Variants in FAM171B observed in about 807,000 individuals in gnomAD.
FAM171B encodes the protein protein FAM171B.
FAM171B carries 19 observed loss-of-function variants against 75.6 expected under a neutral mutation model. That is an observed-to-expected ratio of 0.25 (90% CI 0.18 to 0.37). The LOEUF (loss-of-function observed/expected upper bound fraction) is 0.37, where lower values mean the gene tolerates loss of function less well. Among genes scored for constraint, FAM171B ranks in the 10% least tolerant of loss-of-function variants. The probability of loss-of-function intolerance (pLI) is 1.00; values close to 1 mark genes in which losing one functional copy is unlikely to be tolerated. For missense variants in FAM171B, 848 were observed against 982.4 expected, an observed-to-expected ratio of 0.86 and a Z score of 1.83; for synonymous variants, 367 against 361.7, an observed-to-expected ratio of 1.01 and a Z score of -0.17.
chr2:186,743,631 A>G, intron 3 of FAM171B, 56 bp downstream of exon 3: 1 of 1,144,100 alleles, frequency 8.7e-7, no homozygotes, highest in Non-Finnish European at 1.3e-6. Context: ...GTATAACTGT[A>G]CTTCTTCACT....
chr2:186,710,903 C>A (rs1247735369), intron 1 of FAM171B, among the ~76,000 whole-genome samples: 2 of 151,676 alleles, frequency 1.3e-5, no homozygotes, highest in Admixed American at 6.6e-5. Flanking sequence ...CACACACATA[C>A]ACACAATATT....
chr2:186,754,892 A>C (rs982976914), intron 6 of FAM171B, among the ~76,000 whole-genome samples: 26 of 152,162 alleles, frequency 1.7e-4, no homozygotes, highest in African/African-American at 6.0e-4. Flanking sequence ...CAAGGCAGCC[A>C]AAAGATTGGA....
intron 1 of FAM171B, among the ~76,000 whole-genome samples, chr2:186,739,310 AT>A (rs1690252483): frequency 6.6e-6 from 1 of 152,166 alleles, no homozygotes; most frequent in Non-Finnish European, 1.5e-5. Flanking sequence ...TTAGAAAAAA[AT>A]ATTTTTCTTT....
At chr2:186,754,112 C>A (rs955589290) in intron 6 of FAM171B, 63 bp downstream of exon 6, 3 of 1,219,366 alleles carry the variant, frequency 2.5e-6, no homozygotes, top group South Asian at 2.9e-5. Flanking sequence ...GAACGGATAG[C>A]AGCAGACCTC....
At chr2:186,724,316 C>G (rs1196721836) in intron 1 of FAM171B, among the ~76,000 whole-genome samples, 1 of 152,128 alleles carries the variant, frequency 6.6e-6, no homozygotes, top group East Asian at 1.9e-4. Context: ...TCATGATATA[C>G]ACACGATTTA....
chr2:186,733,575 A>G (rs752578528), intron 1 of FAM171B, among the ~76,000 whole-genome samples: 4 of 152,176 alleles, frequency 2.6e-5, no homozygotes, highest in Non-Finnish European at 5.9e-5. Context: ...TTCAGCTCAC[A>G]CTACTGGCCT....
At chr2:186,706,653 T>C (rs1270187397) in intron 1 of FAM171B, among the ~76,000 whole-genome samples, 2 of 152,154 alleles carry the variant, frequency 1.3e-5, no homozygotes, top group African/African-American at 4.8e-5. Flanking sequence ...GAAAAAGATA[T>C]AGACACCCCT....
At chr2:186,743,633 T>G (rs1690325523) in intron 3 of FAM171B, 58 bp downstream of exon 3, 1 of 1,130,976 alleles carries the variant, frequency 8.8e-7, no homozygotes, top group Admixed American at 1.8e-5. Context: ...ATAACTGTAC[T>G]TCTTCACTAA....
intron 1 of FAM171B, among the ~76,000 whole-genome samples, chr2:186,733,294 A>G (rs548519436): frequency 2.0e-5 from 3 of 152,346 alleles, no homozygotes; most frequent in Admixed American, 6.5e-5. Flanking sequence ...CTTCTTGCCT[A>G]CTTCCCAGTT....
Position 186,761,575 on chromosome 2 carries a change from T to A in FAM171B, c.1233T>A (p.His411Gln). Reference protein sequence around the residue: ...DQTTSTTHINHISTVKVALKA... With the variant: ...DQTTSTTHINQISTVKVALKA... Reference sequence around the variant, plus strand: ...CAACTTCAACAACACACATAAATCATATCAGTACAGTTAAAGTTGCATTAA... The same window carrying A: ...CAACTTCAACAACACACATAAATCAAATCAGTACAGTTAAAGTTGCATTAA... The change falls in exon 8 of 8, where the codon CAT becomes CAA. Residue 411 changes from histidine to glutamine, a missense_variant. His to Gln is a conservative substitution (Grantham distance 24, BLOSUM62 0). Coordinates refer to ENST00000304698, the MANE Select transcript of FAM171B (RefSeq NM_177454.4). The A allele has an allele frequency of 6.2e-7, 1 of 1,612,858 alleles. No homozygotes were observed. The highest frequency in any genetic ancestry group is 8.5e-7 in the Non-Finnish European group (1 of 1,179,480).
intron 1 of FAM171B, among the ~76,000 whole-genome samples, chr2:186,725,322 C>T (rs915743208): frequency 1.4e-5 from 2 of 146,728 alleles, no homozygotes; most frequent in South Asian, 2.2e-4. Context: ...CCAACCTGGG[C>T]GACAGAGCGA....
intron 3 of FAM171B, among the ~76,000 whole-genome samples, chr2:186,746,422 G>A (rs908622388): frequency 2.0e-5 from 3 of 152,154 alleles, no homozygotes; most frequent in African/African-American, 7.2e-5. Context: ...TCTGGCTTAA[G>A]CCCAAAATAA....
chr2:186,719,733 G>A (rs1689925221), intron 1 of FAM171B, among the ~76,000 whole-genome samples: 1 of 152,152 alleles, frequency 6.6e-6, no homozygotes, highest in Non-Finnish European at 1.5e-5. Flanking sequence ...ATTATAAATT[G>A]GCATCACATT....
At chr2:186,714,305 T>C (rs1292642200) in intron 1 of FAM171B, among the ~76,000 whole-genome samples, 1 of 152,178 alleles carries the variant, frequency 6.6e-6, no homozygotes, top group Non-Finnish European at 1.5e-5. Context: ...AGTTCTCAAA[T>C]TGGTAGGGCA....
intron 1 of FAM171B, among the ~76,000 whole-genome samples, chr2:186,715,776 G>A (rs898361973): frequency 6.6e-6 from 1 of 152,162 alleles, no homozygotes; most frequent in South Asian, 2.1e-4. Context: ...CTAGATAGAG[G>A]TGTAGCTAGT....
intron 1 of FAM171B, among the ~76,000 whole-genome samples, chr2:186,721,677 T>C (rs1181038443): frequency 2.0e-5 from 3 of 152,196 alleles, no homozygotes; most frequent in Non-Finnish European, 4.4e-5. Flanking sequence ...CACTCTCTCC[T>C]TCTGACTTGT....
chr2:186,732,798 C>T (rs894459752), intron 1 of FAM171B, among the ~76,000 whole-genome samples: 1 of 152,156 alleles, frequency 6.6e-6, no homozygotes, highest in Non-Finnish European at 1.5e-5. Context: ...TTTCCCTTAC[C>T]AGTTAAGTGT....
At chr2:186,737,998 G>T (rs1042171976) in intron 1 of FAM171B, among the ~76,000 whole-genome samples, 7 of 152,194 alleles carry the variant, frequency 4.6e-5, no homozygotes, top group African/African-American at 1.4e-4. Flanking sequence ...GGCTGGACTG[G>T]GCATGCCACA....
intron 1 of FAM171B, among the ~76,000 whole-genome samples, chr2:186,703,883 G>A (rs959314480): frequency 4.6e-5 from 7 of 151,954 alleles, no homozygotes; most frequent in Non-Finnish European, 1.0e-4. Flanking sequence ...ACATGCTTTT[G>A]TGTAAGGGGA....
Sources: gnomAD v4.1 joint callset for allele counts (sites outside exome capture counted in the v4.1 genomes callset) on GRCh38, gnomAD v4.1.1 for gene constraint, MANE v1.5 for transcripts, NCBI Gene and HGNC (gene_info 2026-07-23, HGNC 2026-07-21) for gene names.